Variants in SSH3 observed in about 807,000 individuals in gnomAD.
The protein encoded by SSH3 is protein phosphatase Slingshot homolog 3.
In SSH3, 67 loss-of-function variants were observed where a neutral mutation model predicts 75.0. The observed-to-expected ratio is 0.89, with a 90% confidence interval of 0.73 to 1.10. SSH3 has a LOEUF of 1.10. SSH3 is among the 50% of genes least tolerant of loss of function. SSH3 has a pLI of 0.00. For synonymous variants in SSH3, 318 were observed against 349.2 expected (o/e 0.91, Z 1.00); for missense variants, 824 against 872.7 (o/e 0.94, Z 0.70).
At position 67,303,536 on chromosome 11, in the gene SSH3, C is replaced by A; in HGVS notation, c.-90C>A. On this transcript the variant is annotated 5_prime_UTR_variant, in exon 1 of 14. Transcript: ENST00000308127. Reference sequence around the variant, plus strand: ...GCCAGGCCCGGGTGGCGCCGTCCGTCCTTCCTGGTCCTGCGGGTCCAGGAC... The same window carrying A: ...GCCAGGCCCGGGTGGCGCCGTCCGTACTTCCTGGTCCTGCGGGTCCAGGAC... The A allele has an allele frequency of 7.5e-7, 1 of 1,340,702 alleles. No individual in the cohort carries two copies. 83.1% of individuals were successfully genotyped at this position (1,340,702 alleles called of 1,614,324 possible).
At position 67,308,314 on chromosome 11, in the gene SSH3, C is replaced by A; in HGVS notation, c.1014+12C>A. 2 of 1,614,020 alleles carry A rather than the reference C, an allele frequency of 1.2e-6. No homozygotes were observed. The highest frequency in any genetic ancestry group is 1.7e-6 in the Non-Finnish European group (2 of 1,179,948). ...CCCACCTCTACCTGGTGAGCTTCAGCCAGGCCTGGGCCATGGGGACCGCTG... is the reference window on the plus strand; with the variant it reads ...CCCACCTCTACCTGGTGAGCTTCAGACAGGCCTGGGCCATGGGGACCGCTG... On this transcript the variant is annotated intron_variant, in intron 9 of 13. Transcript: ENST00000308127. The surrounding 1 kb of genome is among the most constrained non-coding windows in gnomAD (Gnocchi z 4.9).
Position 67,308,749 on chromosome 11 carries a change from T to C in SSH3, c.1061+291T>C, listed in dbSNP as rs538992622. ...AAGCAGCAGCGCATACTGCTGTAAC[T>C]GCCTTGGACAAGCAGAAAAAGGCTC... On this transcript the variant is annotated intron_variant, in intron 10 of 13. Transcript: ENST00000308127. This position sits in a 1 kb window ranked among gnomAD's most constrained non-coding sequence, Gnocchi z 4.9. Among the ~76,000 whole-genome samples, 8 of 151,626 alleles carry C rather than the reference T, an allele frequency of 5.3e-5. No individual in the cohort carries two copies. The highest frequency in any genetic ancestry group is 1.9e-4 in the African/African-American group (8 of 41,332).
intron 2 of SSH3, 37 bp downstream of exon 2, chr11:67,304,192 G>T (rs1010649296): frequency 1.3e-6 from 2 of 1,527,390 alleles, no homozygotes; most frequent in East Asian, 2.3e-5. Flanking sequence ...ACTTCCGTCT[G>T]CCCCGGGCCT....
Position 67,308,547 on chromosome 11 carries a change from T to C in SSH3, c.1061+89T>C, listed in dbSNP as rs2134780333. The C allele has an allele frequency of 6.7e-7, 1 of 1,501,762 alleles. No homozygotes were observed. Among genetic ancestry groups the C allele is most frequent in the East Asian group, 2.5e-5 (1 of 40,330 alleles). 93.0% of individuals were successfully genotyped at this position (1,501,762 alleles called of 1,614,324 possible). A position where few individuals can be genotyped will look rare whatever the true frequency, so the allele number is the denominator to read the frequency against. On this transcript the variant is annotated intron_variant, in intron 10 of 13. Coordinates refer to ENST00000308127, the MANE Select transcript of SSH3 (RefSeq NM_017857.4). The surrounding 1 kb of genome is among the most constrained non-coding windows in gnomAD (Gnocchi z 4.9). ...GGTGGTAGCCAGCTTCAAAAACCCC[T>C]GGACCACCCTCAGCAGCTGCTAGCT...
At chr11:67,305,307 C>T (rs929090139) in intron 3 of SSH3, among the ~76,000 whole-genome samples, 3 of 151,820 alleles carry the variant, frequency 2.0e-5, no homozygotes, top group Non-Finnish European at 4.4e-5. Flanking sequence ...CTGCCTCAGC[C>T]TCCCGAGGAG....
At position 67,307,493 on chromosome 11, in the gene SSH3, G is replaced by A. The variant is rs543257450; in HGVS notation, c.603-56G>A. 5 of 1,613,056 alleles carry A rather than the reference G, an allele frequency of 3.1e-6. No homozygotes were observed. The highest frequency in any genetic ancestry group is 4.5e-5 in the East Asian group (2 of 44,860). On this transcript the variant is annotated intron_variant, in intron 6 of 13. Coordinates refer to ENST00000308127, the MANE Select transcript of SSH3 (RefSeq NM_017857.4). The surrounding 1 kb of genome is among the most constrained non-coding windows in gnomAD (Gnocchi z 4.2). ...GCCTCTCCTTCGAAGGAGGCTGCAG[G>A]GCCTGGGGAAGGGCAGCAAGGGAAC...
At chr11:67,305,652 T>C (rs1372227127) in intron 3 of SSH3, among the ~76,000 whole-genome samples, 1 of 152,176 alleles carries the variant, frequency 6.6e-6, no homozygotes, top group East Asian at 1.9e-4. Context: ...TTCCTGATGA[T>C]GTGAGCTGTC....
chr11:67,305,125 G>A, intron 3 of SSH3, 118 bp downstream of exon 3: 1 of 912,894 alleles, frequency 1.1e-6, no homozygotes. Flanking sequence ...GGGCAGCCTG[G>A]GGAGTGTTGG....
chr11:67,307,942 G>A lies in SSH3; in HGVS notation c.885+3G>A. ...TGGAGAGTGTCACTTCCAAAGAGGT[G>A]GGCAGGGGGCCCGGGGACTGAGTCC... On this transcript the variant is annotated splice_donor_region_variant and intron_variant, in intron 8 of 13. Coordinates refer to ENST00000308127, the MANE Select transcript of SSH3 (RefSeq NM_017857.4). This position sits in a 1 kb window ranked among gnomAD's most constrained non-coding sequence, Gnocchi z 4.2. 1.2e-6 allele frequency: 2 copies of A among 1,614,152 alleles called. No individual in the cohort carries two copies. Among genetic ancestry groups the A allele is most frequent in the South Asian group, 1.1e-5 (1 of 91,080 alleles).
Position 67,312,051 on chromosome 11 carries a change from CT to C in SSH3, c.*165del. 1.1e-6 allele frequency: 1 copy of C among 916,644 alleles called. No homozygotes were observed. The highest frequency in any genetic ancestry group is 1.6e-6 in the Non-Finnish European group (1 of 626,484). 56.8% of individuals were successfully genotyped at this position (916,644 alleles called of 1,614,324 possible). On this transcript the variant is annotated 3_prime_UTR_variant, in exon 14 of 14. Transcript: ENST00000308127. ...GTCACTACGGCCTCACCTCCCACCCCTGTCACTACAGCCTCACCTCCTACAG... is the reference window on the plus strand; with the variant it reads ...GTCACTACGGCCTCACCTCCCACCCCGTCACTACAGCCTCACCTCCTACAG...
rs1565091365 is a variant in SSH3, at chr11:67,311,731, C to CAAAAA, written c.1825_1826insAAAAA (p.Ser609LysfsTer39). 1 of 1,614,098 alleles carries CAAAAA rather than the reference C, an allele frequency of 6.2e-7. No individual in the cohort carries two copies. Among genetic ancestry groups the CAAAAA allele is most frequent in the African/African-American group, 1.3e-5 (1 of 75,060 alleles). On this transcript the variant is annotated frameshift_variant, in exon 14 of 14. Coordinates refer to ENST00000308127, the MANE Select transcript of SSH3 (RefSeq NM_017857.4). LOFTEE classifies it high-confidence loss of function. ...GCCAGTCAGTGGTTACCCTCCAGGG[C>CAAAAA]AGTGCCGTGGTGGCCAACCGGACCC...
chr11:67,304,197 G>T lies in SSH3; in HGVS notation c.104+42G>T, dbSNP rs750897249. On this transcript the variant is annotated intron_variant, in intron 2 of 13. Transcript: ENST00000308127. The stretch of plus-strand genomic sequence containing the variant: ...CCACGCAGACACTTCCGTCTGCCCC[G>T]GGCCTGGCCACGGCCGTCCTGGGCT... 6.0e-6 allele frequency: 9 copies of T among 1,504,588 alleles called. No homozygotes were observed. In the South Asian group the frequency reaches 1.1e-4, roughly 18 times the overall value. 93.2% of individuals were successfully genotyped at this position (1,504,588 alleles called of 1,614,324 possible). A position where few individuals can be genotyped will look rare whatever the true frequency, so the allele number is the denominator to read the frequency against.
rs999832489 is a variant in SSH3, at chr11:67,306,868, C to T, written c.370C>T (p.Arg124Trp). 19 of 1,612,832 alleles carry T rather than the reference C, an allele frequency of 1.2e-5. No homozygotes were observed. Among genetic ancestry groups the T allele is most frequent in the East Asian group, 2.2e-5 (1 of 44,856 alleles). ...CCAGCTGGAGGCACCCCGGCCTCCC[C>T]GGCTCCGCTACCTGCTGGTAGTTTC... ...AAQLEAPRPP[R>W]LRYLLVVSTR... The change falls in exon 4 of 14, where the codon CGG becomes TGG. Residue 124 changes from arginine to tryptophan, a missense_variant. By Grantham distance (101) the Arg-to-Trp change is moderately radical (BLOSUM62 -3). Transcript: ENST00000308127.
rs753162943 is a variant in SSH3 at position 67,307,012 on chromosome 11, G to T, written c.465-30G>T. The T allele has an allele frequency of 1.2e-6, 2 of 1,613,702 alleles. No individual in the cohort carries two copies. The highest frequency in any genetic ancestry group is 1.7e-5 in the Admixed American group (1 of 59,970). On this transcript the variant is annotated intron_variant, in intron 4 of 13. Transcript: ENST00000308127. This position sits in a 1 kb window ranked among gnomAD's most constrained non-coding sequence, Gnocchi z 4.2. Reference sequence around the variant, plus strand: ...GGGCAAAGAGGTGAGGGACAGGGGGGACAATGGCTTTCCCTCTGTCCCCTG... The same window carrying T: ...GGGCAAAGAGGTGAGGGACAGGGGGTACAATGGCTTTCCCTCTGTCCCCTG...
At position 67,308,411 on chromosome 11, in the gene SSH3, G is replaced by T. The variant is rs140595699; in HGVS notation, c.1015-1G>T. 2 of 1,612,484 alleles carry T rather than the reference G, an allele frequency of 1.2e-6. No individual in the cohort carries two copies. The highest frequency in any genetic ancestry group is 1.7e-6 in the Non-Finnish European group (2 of 1,179,354). On this transcript the variant is annotated splice_acceptor_variant, in intron 9 of 13. Coordinates refer to ENST00000308127, the MANE Select transcript of SSH3 (RefSeq NM_017857.4). LOFTEE classifies it high-confidence loss of function. This position sits in a 1 kb window ranked among gnomAD's most constrained non-coding sequence, Gnocchi z 4.9. Reference sequence around the variant, plus strand: ...GAAATGTGCTGTTCCCTCTCTCCCAGGGCTCAGAGTGGAACGCAGCAAACC... The same window carrying T: ...GAAATGTGCTGTTCCCTCTCTCCCATGGCTCAGAGTGGAACGCAGCAAACC...
Position 67,307,714 on chromosome 11 carries a change from G to C in SSH3, c.768G>C (p.Arg256=), listed in dbSNP as rs1001398891. 1.2e-6 allele frequency: 2 copies of C among 1,613,980 alleles called. No homozygotes were observed. Among genetic ancestry groups the C allele is most frequent in the Non-Finnish European group, 1.7e-6 (2 of 1,180,016 alleles). Residue 256 remains arginine, a synonymous_variant, in exon 7 of 14, where the codon CGG becomes CGC. Coordinates refer to ENST00000308127, the MANE Select transcript of SSH3 (RefSeq NM_017857.4). The surrounding 1 kb of genome is among the most constrained non-coding windows in gnomAD (Gnocchi z 4.2). The part of the protein sequence containing the change: ...WTAMADLESL[R]PPSAEPGGSS... ...CTATGGCCGACCTGGAGTCTCTGCG[G>C]CCTCCCAGCGCCGAGCCTGGCGGGT...
rs371712605 is a variant in SSH3 at position 67,303,858 on chromosome 11, G to A, written c.66+167G>A. ...GAGGGTCTCTGGTACTGGCGCCGGGGCACAATCCAGAGCCCTGCGCGCCGC... is the reference window on the plus strand; with the variant it reads ...GAGGGTCTCTGGTACTGGCGCCGGGACACAATCCAGAGCCCTGCGCGCCGC... On this transcript the variant is annotated intron_variant, in intron 1 of 13. Transcript: ENST00000308127. 120 of 782,646 alleles carry A rather than the reference G, an allele frequency of 1.5e-4. 1 individual carries two copies. In the East Asian group the frequency reaches 2.1e-3, roughly 14 times the overall value. The allele number at this position is 782,646 out of a possible 1,614,324, so 48.5% of individuals were successfully genotyped here.
Position 67,308,434 on chromosome 11 carries a change from A to G in SSH3, c.1037A>G (p.Asn346Ser). 1 of 1,605,760 alleles carries G rather than the reference A, an allele frequency of 6.2e-7. No homozygotes were observed. The highest frequency in any genetic ancestry group is 8.5e-7 in the Non-Finnish European group (1 of 1,176,266). ...CAGGGCTCAGAGTGGAACGCAGCAA[A>G]CCTGGAGGAGCTGCAGAGGAACAGG... ...LYLGSEWNAA[N>S]LEELQRNRVT... The change falls in exon 10 of 14, where the codon AAC (asparagine) becomes AGC (serine). Residue 346 changes from asparagine to serine, a missense_variant. Asn to Ser is a conservative substitution (Grantham distance 46). Transcript: ENST00000308127. This position sits in a 1 kb window ranked among gnomAD's most constrained non-coding sequence, Gnocchi z 4.9.
At position 67,312,556 on chromosome 11, in the gene SSH3, T is replaced by C. The variant is rs909682414; in HGVS notation, c.*669T>C. The C allele has an allele frequency of 5.2e-5, 8 of 152,746 alleles. No homozygotes were observed. Among genetic ancestry groups the C allele is most frequent in the African/African-American group, 1.9e-4 (8 of 41,462 alleles). 9.5% of individuals were successfully genotyped at this position (152,746 alleles called of 1,614,324 possible). A position where few individuals can be genotyped will look rare whatever the true frequency, so the allele number is the denominator to read the frequency against. On this transcript the variant is annotated 3_prime_UTR_variant, in exon 14 of 14. Transcript: ENST00000308127. ...GTCAGTTTTTCATAGCCTTACAGTA[T>C]CTGGCTTTGTACTGAGAAATAAAAC...
Sources: gnomAD v4.1 joint callset for allele counts (sites outside exome capture counted in the v4.1 genomes callset) on GRCh38, gnomAD v4.1.1 for gene constraint, Gnocchi (gnomAD v3.1) non-coding constraint, MANE v1.5 for transcripts, NCBI Gene and HGNC (gene_info 2026-07-23, HGNC 2026-07-21) for gene names.